PDE5A: variants seen among roughly 807,000 people sequenced by gnomAD.
PDE5A encodes the protein cGMP-specific 3',5'-cyclic phosphodiesterase.
In PDE5A, 67 loss-of-function variants were observed where a neutral mutation model predicts 110.2. The observed-to-expected ratio is 0.61, with a 90% confidence interval of 0.50 to 0.75. PDE5A has a LOEUF of 0.75. PDE5A is among the 30% of genes least tolerant of loss of function. The pLI, the probability that PDE5A is intolerant of heterozygous loss-of-function variation, is 0.00. For synonymous variants in PDE5A, 328 were observed against 351.2 expected, an observed-to-expected ratio of 0.93 and a Z score of 0.74; for missense variants, 862 against 1,045.1, an observed-to-expected ratio of 0.82 and a Z score of 2.42.
At chr4:119,556,496 G>C (rs1436604271) in intron 7 of PDE5A, among the ~76,000 whole-genome samples, 2 of 152,222 alleles carry the variant, frequency 1.3e-5, no homozygotes, top group African/African-American at 2.4e-5. Flanking sequence ...CACCGAGCCT[G>C]AGCTGGCTAC....
chr4:119,538,177 A>C (rs977084184), intron 11 of PDE5A, among the ~76,000 whole-genome samples: 2 of 152,042 alleles, frequency 1.3e-5, no homozygotes, highest in Non-Finnish European at 2.9e-5. Flanking sequence ...TTTACATGAG[A>C]AAACAGTTGT....
chr4:119,589,608 T>A (rs565169154), intron 3 of PDE5A, among the ~76,000 whole-genome samples: 1 of 152,272 alleles, frequency 6.6e-6, no homozygotes, highest in East Asian at 1.9e-4. Flanking sequence ...AAAATTCACA[T>A]ACCTGTAACT....
intron 20 of PDE5A, 62 bp downstream of exon 20, chr4:119,501,108 A>G (rs2110451122): frequency 1.2e-5 from 12 of 995,440 alleles, no homozygotes; most frequent in Non-Finnish European, 1.9e-5. Flanking sequence ...AATCTCTTCA[A>G]TTTTAGGTTC....
chr4:119,568,813 G>A (rs558737568), intron 3 of PDE5A, among the ~76,000 whole-genome samples: 48 of 152,182 alleles, frequency 3.2e-4, no homozygotes, highest in Non-Finnish European at 1.2e-4. Flanking sequence ...TGATAAATAT[G>A]CAGTACAAAA....
chr4:119,511,541 A>C (rs955875856), intron 14 of PDE5A, among the ~76,000 whole-genome samples: 13 of 152,142 alleles, frequency 8.5e-5, no homozygotes, highest in Non-Finnish European at 1.9e-4. Flanking sequence ...TTTTCCTCTG[A>C]AATAATGCTC....
intron 16 of PDE5A, among the ~76,000 whole-genome samples, chr4:119,507,068 T>C (rs1432807389): frequency 1.3e-5 from 2 of 151,972 alleles, no homozygotes; most frequent in African/African-American, 2.4e-5. Flanking sequence ...AGTTTAATCA[T>C]GAAAATGCAT....
At chr4:119,584,242 G>A (rs1456129367) in intron 3 of PDE5A, among the ~76,000 whole-genome samples, 6 of 152,182 alleles carry the variant, frequency 3.9e-5, no homozygotes, top group Non-Finnish European at 7.3e-5. Flanking sequence ...AAGCGGGGAT[G>A]GGGAGGCAAT....
intron 10 of PDE5A, among the ~76,000 whole-genome samples, chr4:119,539,565 T>C (rs1184802743): frequency 3.3e-5 from 5 of 152,022 alleles, no homozygotes; most frequent in Non-Finnish European, 1.5e-5. Flanking sequence ...TTTACACTCC[T>C]ACAATTTAAG....
chr4:119,501,753 A>ATCT (rs1725344412), intron 19 of PDE5A, among the ~76,000 whole-genome samples: 1 of 152,206 alleles, frequency 6.6e-6, no homozygotes, highest in Non-Finnish European at 1.5e-5. Flanking sequence ...GCTGAGAGGA[A>ATCT]TCTTTACTTG....
chr4:119,537,104 T>C (rs547326070), intron 11 of PDE5A, among the ~76,000 whole-genome samples: 14 of 152,248 alleles, frequency 9.2e-5, no homozygotes, highest in African/African-American at 3.4e-4. Flanking sequence ...TGTCTTGCAT[T>C]GTTATTCTCA....
intron 17 of PDE5A, among the ~76,000 whole-genome samples, chr4:119,505,301 C>CT (rs367648717): frequency 6.3e-4 from 96 of 152,054 alleles, no homozygotes; most frequent in African/African-American, 2.3e-3. Context: ...ACTTATCTCT[C>CT]TCTTTCCTCC....
intron 3 of PDE5A, among the ~76,000 whole-genome samples, chr4:119,577,125 A>C (rs76541370): frequency 0.49 from 73,981 of 151,882 alleles, 18,243 homozygotes; most frequent in South Asian, 0.64. Flanking sequence ...CCCCCTCCCA[A>C]GACTAAACCA....
intron 20 of PDE5A, chr4:119,500,394 C>T (rs1471490664): frequency 6.6e-6 from 1 of 151,230 alleles, no homozygotes; most frequent in African/African-American, 2.4e-5. Flanking sequence ...ACTGTAGATG[C>T]ACCTCTCCCA....
chr4:119,540,532 A>C (rs1274910647), intron 10 of PDE5A, among the ~76,000 whole-genome samples: 3 of 152,160 alleles, frequency 2.0e-5, no homozygotes, highest in African/African-American at 7.2e-5. Flanking sequence ...CATGAGTTAG[A>C]CTAATATTAA....
At chr4:119,594,491 G>A (rs1729087299) in intron 3 of PDE5A, among the ~76,000 whole-genome samples, 1 of 152,100 alleles carries the variant, frequency 6.6e-6, no homozygotes, top group South Asian at 2.1e-4. Flanking sequence ...AATTTGAGTT[G>A]GATTTGAGTT....
chr4:119,576,865 C>CA (rs1157455592), intron 3 of PDE5A, among the ~76,000 whole-genome samples: 1 of 151,978 alleles, frequency 6.6e-6, no homozygotes, highest in South Asian at 2.1e-4. Context: ...AACAGAGACA[C>CA]AAAAAACCCG....
intron 1 of PDE5A, among the ~76,000 whole-genome samples, chr4:119,607,620 C>G (rs1219364852): frequency 6.6e-6 from 1 of 152,012 alleles, no homozygotes; most frequent in Admixed American, 6.6e-5. Context: ...GCCTATGATC[C>G]TAACTACTGG....
At chr4:119,572,109 C>T (rs1728158868) in intron 3 of PDE5A, among the ~76,000 whole-genome samples, 1 of 152,184 alleles carries the variant, frequency 6.6e-6, no homozygotes, top group South Asian at 2.1e-4. Context: ...AAAAAATCTT[C>T]CCTTCAGACC....
At chr4:119,563,074 TG>T in intron 5 of PDE5A, 104 bp from the exon 6 acceptor site, 8 of 871,428 alleles carry the variant, frequency 9.2e-6, no homozygotes, top group Non-Finnish European at 1.2e-5. Flanking sequence ...TAGCAGGTTA[TG>T]ATCAAGTCTG....
Sources: allele counts gnomAD v4.1 joint callset (sites outside exome capture counted in the v4.1 genomes callset), GRCh38; gene constraint gnomAD v4.1.1; transcripts MANE v1.5; gene names NCBI Gene and HGNC (gene_info 2026-07-23, HGNC 2026-07-21).